Variants in CADPS2 observed in about 807,000 individuals in gnomAD.
CADPS2 encodes calcium-dependent secretion activator 2.
In CADPS2, 93 loss-of-function variants were observed where a neutral mutation model predicts 172.5. The observed-to-expected ratio is 0.54, with a 90% CI of 0.46 to 0.64. The LOEUF (loss-of-function observed/expected upper bound fraction) is 0.64. CADPS2 is among the 30% of genes least tolerant of loss of function. CADPS2 has a pLI of 0.00. For missense variants in CADPS2, 1,420 were observed against 1,565.9 expected, an observed-to-expected ratio of 0.91 and a Z score of 1.57; for synonymous variants, 546 against 555.2, an observed-to-expected ratio of 0.98 and a Z score of 0.23.
chr7:122,513,102 C>T (rs1212130783), intron 9 of CADPS2, 147 bp downstream of exon 9: 15 of 582,086 alleles, frequency 2.6e-5, no homozygotes, highest in Non-Finnish European at 2.5e-5. Flanking sequence ...TTAGTGTTAG[C>T]ATGTAATGAA....
chr7:122,834,763 CG>C (rs1807791487), intron 1 of CADPS2, among the ~76,000 whole-genome samples: 1 of 152,122 alleles, frequency 6.6e-6, no homozygotes, highest in Admixed American at 6.5e-5. Context: ...CGCTGAGGCT[CG>C]AGTAGGTAAA....
At chr7:122,613,919 G>A (rs2074595634) in intron 6 of CADPS2, among the ~76,000 whole-genome samples, 1 of 151,974 alleles carries the variant, frequency 6.6e-6, no homozygotes, top group African/African-American at 2.4e-5. Context: ...AAATAAACAG[G>A]TAATTAACAC....
chr7:122,701,157 A>C (rs1383066017), intron 2 of CADPS2, among the ~76,000 whole-genome samples: 1 of 152,164 alleles, frequency 6.6e-6, no homozygotes, highest in African/African-American at 2.4e-5. Flanking sequence ...GAAGAAAAAA[A>C]AATTTGTTTT....
At chr7:122,559,037 T>A (rs2065381484) in intron 7 of CADPS2, among the ~76,000 whole-genome samples, 1 of 152,138 alleles carries the variant, frequency 6.6e-6, no homozygotes, top group South Asian at 2.1e-4. Flanking sequence ...GGGACCACAA[T>A]AATTGCACCA....
chr7:122,582,172 C>T (rs562941955), intron 6 of CADPS2, among the ~76,000 whole-genome samples: 7 of 152,100 alleles, frequency 4.6e-5, no homozygotes, highest in Middle Eastern at 3.4e-3. Flanking sequence ...AATAAAACAA[C>T]AAATAAATAT....
rs115925582 is a variant in CADPS2, at chr7:122,692,742, G to C, written c.454-29173C>G. On this transcript the variant is annotated intron_variant, in intron 2 of 29. Transcript: ENST00000449022. ...GAGGTCCGAGGGGAGTGGGTGGATGGACAGATAGCTGAAAGAACACTCGGG... is the reference window on the plus strand; with the variant it reads ...GAGGTCCGAGGGGAGTGGGTGGATGCACAGATAGCTGAAAGAACACTCGGG... Among the ~76,000 whole-genome samples the C allele has an allele frequency of 9.8e-3, 1,495 of 152,336 alleles. 26 individuals carry two copies. The highest frequency in any genetic ancestry group is 0.034 in the African/African-American group (1,426 of 41,580).
chr7:122,820,288 A>G (rs983382820), intron 1 of CADPS2, among the ~76,000 whole-genome samples: 1 of 152,052 alleles, frequency 6.6e-6, no homozygotes, highest in African/African-American at 2.4e-5. Flanking sequence ...ACTGCCACAA[A>G]GCTTCACAGA....
chr7:122,435,686 T>C (rs569933744), intron 17 of CADPS2, among the ~76,000 whole-genome samples: 1 of 152,052 alleles, frequency 6.6e-6, no homozygotes, highest in Non-Finnish European at 1.5e-5. Context: ...ACCAAAAAAA[T>C]TGAAATCAGG....
chr7:122,792,448 G>A (rs866193081), intron 1 of CADPS2, among the ~76,000 whole-genome samples: 21 of 152,228 alleles, frequency 1.4e-4, no homozygotes, highest in African/African-American at 5.1e-4. Context: ...CTCACGAGAG[G>A]TGAAATCTTC....
At chr7:122,394,802 A>C (rs998597327) in intron 20 of CADPS2, among the ~76,000 whole-genome samples, 1 of 152,134 alleles carries the variant, frequency 6.6e-6, no homozygotes, top group African/African-American at 2.4e-5. Context: ...ATGATTATGC[A>C]GAGGAGTGAC....
chr7:122,375,560 C>G (rs539919389), intron 25 of CADPS2, among the ~76,000 whole-genome samples: 2 of 152,038 alleles, frequency 1.3e-5, no homozygotes, highest in African/African-American at 4.8e-5. Context: ...AAAGTTGACC[C>G]TTATCTTACA....
intron 2 of CADPS2, among the ~76,000 whole-genome samples, chr7:122,713,332 T>C (rs1478092691): frequency 6.6e-6 from 1 of 152,140 alleles, no homozygotes; most frequent in Non-Finnish European, 1.5e-5. Flanking sequence ...GCTCTACAAC[T>C]TAGGCAACCT....
At chr7:122,369,418 A>T (rs2041474274) in intron 25 of CADPS2, among the ~76,000 whole-genome samples, 1 of 152,148 alleles carries the variant, frequency 6.6e-6, no homozygotes. Flanking sequence ...GGCGTGAGCC[A>T]CTGCGCCCAG....
chr7:122,790,025 AGT>A (rs1491206815), intron 1 of CADPS2, among the ~76,000 whole-genome samples: 1 of 121,374 alleles, frequency 8.2e-6, no homozygotes, highest in African/African-American at 3.3e-5. Context: ...ACAAATATTA[AGT>A]GTTTTTTTTT....
At chr7:122,459,092 ATATAAT>A (rs1391896036) in intron 14 of CADPS2, among the ~76,000 whole-genome samples, 7 of 151,990 alleles carry the variant, frequency 4.6e-5, no homozygotes, top group South Asian at 2.1e-4. Context: ...TAGTTTGTAA[ATATAAT>A]TATAATTTAT....
chr7:122,762,025 TATATACAC>T (rs1281964275), intron 1 of CADPS2, among the ~76,000 whole-genome samples: 5 of 80,314 alleles, frequency 6.2e-5, no homozygotes, highest in African/African-American at 3.1e-4. Flanking sequence ...TATATATATA[TATATACAC>T]ACACACACAC....
At chr7:122,361,509 G>A (rs948171925) in intron 25 of CADPS2, among the ~76,000 whole-genome samples, 13 of 152,016 alleles carry the variant, frequency 8.6e-5, no homozygotes, top group Middle Eastern at 3.4e-3. Context: ...TGGGATTACA[G>A]GTGTGAGCCA....
chr7:122,473,152 C>G (rs945814251), intron 13 of CADPS2, among the ~76,000 whole-genome samples: 2 of 152,118 alleles, frequency 1.3e-5, no homozygotes, highest in African/African-American at 2.4e-5. Context: ...GTTGTAAATA[C>G]ACAGTAGTCT....
rs1490660338 is a variant in CADPS2 at position 122,340,855 on chromosome 7, T to C, written c.3612+4719A>G. Among the ~76,000 whole-genome samples, 8 of 137,802 alleles carry C rather than the reference T, an allele frequency of 5.8e-5. No individual in the cohort carries two copies. In the South Asian group the frequency reaches 1.9e-3, roughly 32 times the overall value. 90.4% of individuals were successfully genotyped at this position (137,802 alleles called of 152,430 possible). On this transcript the variant is annotated intron_variant, in intron 28 of 29. Coordinates refer to ENST00000449022, the MANE Select transcript of CADPS2 (RefSeq NM_017954.11). ...CTGCTCACAATGATGCCTTATGTGT[T>C]AAAAAAAAAAAAAAAAAAGGACATT...
Sources: gnomAD v4.1 joint callset for allele counts (sites outside exome capture counted in the v4.1 genomes callset) on GRCh38, gnomAD v4.1.1 for gene constraint, MANE v1.5 for transcripts, NCBI Gene and HGNC (gene_info 2026-07-23, HGNC 2026-07-21) for gene names.